Variants in ADAM17 observed in about 807,000 individuals in gnomAD.
ADAM17 encodes the protein ADAM metallopeptidase domain 17.
In ADAM17, 39 loss-of-function variants were observed where a neutral mutation model predicts 96.7. The observed-to-expected ratio is 0.40, with a 90% CI of 0.31 to 0.53. The LOEUF is 0.53. Among genes scored for constraint, ADAM17 ranks in the 20% least tolerant of loss-of-function variants. The pLI is 0.44. For synonymous variants in ADAM17, 344 were observed against 359.2 expected, an observed-to-expected ratio of 0.96 and a Z score of 0.48; for missense variants, 777 against 1,013.2, an observed-to-expected ratio of 0.77 and a Z score of 3.17.
intron 15 of ADAM17, among the ~76,000 whole-genome samples, chr2:9,494,132 G>GAAC (rs1662374472): frequency 6.6e-6 from 1 of 152,272 alleles, no homozygotes; most frequent in East Asian, 1.9e-4. Flanking sequence ...AGTGGACAGT[G>GAAC]AACAACACAG....
Position 9,555,684 on chromosome 2 carries a change from G to A in ADAM17, c.-79C>T, listed in dbSNP as rs1006712808. 9 of 1,232,124 alleles carry A rather than the reference G, an allele frequency of 7.3e-6. No homozygotes were observed. In the Admixed American group the frequency reaches 1.0e-4, roughly 14 times the overall value. 76.3% of individuals were successfully genotyped at this position (1,232,124 alleles called of 1,614,324 possible). A position where few individuals can be genotyped will look rare whatever the true frequency, so the allele number is the denominator to read the frequency against. ...GTTTCGGAAAACTGCTCACATCGGG[G>A]GAGGACGGGATCCGCCCGGCCTAGC... On this transcript the variant is annotated 5_prime_UTR_variant, in exon 1 of 19. Coordinates refer to ENST00000310823, the MANE Select transcript of ADAM17 (RefSeq NM_003183.6).
chr2:9,510,663 CAAAAAA>C (rs57462514), intron 10 of ADAM17, among the ~76,000 whole-genome samples: 1 of 84,822 alleles, frequency 1.2e-5, no homozygotes, highest in Non-Finnish European at 2.6e-5. Context: ...GACTTCGTCT[CAAAAAA>C]AAAAAAAAAA....
intron 2 of ADAM17, among the ~76,000 whole-genome samples, chr2:9,537,258 C>CAAATTG (rs1478141629): frequency 6.6e-6 from 1 of 152,118 alleles, no homozygotes; most frequent in Non-Finnish European, 1.5e-5. Context: ...CACACAAGTA[C>CAAATTG]AAATTGAGGC....
chr2:9,502,879 C>CAAAAAAA (rs758081961), intron 12 of ADAM17, among the ~76,000 whole-genome samples: 9 of 43,586 alleles, frequency 2.1e-4, no homozygotes, highest in African/African-American at 2.8e-4. Context: ...AATTCTGTCT[C>CAAAAAAA]AAAAAAAAAA....
chr2:9,491,961 C>A (rs1662186058), intron 17 of ADAM17, among the ~76,000 whole-genome samples: 1 of 152,222 alleles, frequency 6.6e-6, no homozygotes, highest in Non-Finnish European at 1.5e-5. Context: ...AGACATCTGT[C>A]AAAGCTTCAA....
At chr2:9,533,873 G>T (rs1664849472) in intron 4 of ADAM17, among the ~76,000 whole-genome samples, 1 of 152,194 alleles carries the variant, frequency 6.6e-6, no homozygotes, top group Non-Finnish European at 1.5e-5. Flanking sequence ...AGGAGAGTAA[G>T]AAAAAACTTT....
intron 1 of ADAM17, among the ~76,000 whole-genome samples, chr2:9,549,404 A>C (rs913898968): frequency 4.6e-5 from 7 of 152,282 alleles, no homozygotes; most frequent in African/African-American, 1.7e-4. Context: ...TTATGTATAT[A>C]ATTTTGTGTG....
intron 10 of ADAM17, 70 bp downstream of exon 10, chr2:9,517,831 C>A: frequency 1.9e-6 from 2 of 1,037,222 alleles, no homozygotes; most frequent in Non-Finnish European, 2.6e-6. Context: ...AAAATACCTA[C>A]ATAAATATAT....
At chr2:9,536,450 A>G (rs1301093825) in intron 3 of ADAM17, among the ~76,000 whole-genome samples, 1 of 152,216 alleles carries the variant, frequency 6.6e-6, no homozygotes, top group Non-Finnish European at 1.5e-5. Flanking sequence ...TTAAATTCCT[A>G]TCACTTAAGA....
intron 4 of ADAM17, among the ~76,000 whole-genome samples, chr2:9,532,615 G>C (rs999181850): frequency 6.6e-6 from 1 of 151,190 alleles, no homozygotes; most frequent in Non-Finnish European, 1.5e-5. Context: ...GAGACCACAG[G>C]CATGTGCCAC....
At chr2:9,521,840 T>TGTTCCCTGCCTGCCTGCCTGCCTGCCTGC (rs1553363910) in intron 7 of ADAM17, 2 of 143,306 alleles carry the variant, frequency 1.4e-5, no homozygotes, top group Non-Finnish European at 3.1e-5. Context: ...TGTGAGTCTC[T>TGTTCCCTGCCTGCCTGCCTGCCTGCCTGC]CTGCCTGCCT....
intron 9 of ADAM17, 49 bp from the exon 10 acceptor site, chr2:9,518,038 A>G (rs1003620843): frequency 6.3e-7 from 1 of 1,576,816 alleles, no homozygotes; most frequent in Non-Finnish European, 8.6e-7. Flanking sequence ...ATACAGAATT[A>G]TAATATAATC....
chr2:9,521,352 C>A, intron 7 of ADAM17, 36 bp from the exon 8 acceptor site: 1 of 1,396,220 alleles, frequency 7.2e-7, no homozygotes, highest in South Asian at 1.2e-5. Flanking sequence ...AGAACACTTC[C>A]AAAATAAGTC....
At chr2:9,508,589 T>C (rs182764554) in intron 11 of ADAM17, among the ~76,000 whole-genome samples, 11 of 152,214 alleles carry the variant, frequency 7.2e-5, no homozygotes, top group African/African-American at 2.7e-4. Flanking sequence ...TTAATGCCCA[T>C]TCCCGTCTCC....
At chr2:9,547,040 C>G (rs1665424572) in intron 1 of ADAM17, among the ~76,000 whole-genome samples, 1 of 152,234 alleles carries the variant, frequency 6.6e-6, no homozygotes, top group Admixed American at 6.5e-5. Flanking sequence ...CAATGGCTGC[C>G]TACTTCTCTC....
At chr2:9,521,079 G>A (rs1349012469) in intron 8 of ADAM17, 124 bp downstream of exon 8, 3 of 678,638 alleles carry the variant, frequency 4.4e-6, no homozygotes, top group Non-Finnish European at 7.8e-6. Context: ...TGCTGGATCA[G>A]CTGGAGGAGA....
At chr2:9,526,955 G>A (rs547221540) in intron 5 of ADAM17, among the ~76,000 whole-genome samples, 1 of 152,098 alleles carries the variant, frequency 6.6e-6, no homozygotes, top group East Asian at 1.9e-4. Context: ...AGTTTAATAG[G>A]ACAACTTTCT....
intron 2 of ADAM17, among the ~76,000 whole-genome samples, chr2:9,538,210 A>T (rs1665068268): frequency 6.6e-6 from 1 of 152,218 alleles, no homozygotes; most frequent in African/African-American, 2.4e-5. Flanking sequence ...ATGAACACCA[A>T]AGACAAAGAA....
intron 18 of ADAM17, 111 bp from the exon 19 acceptor site, chr2:9,490,629 C>A: frequency 8.3e-7 from 1 of 1,202,342 alleles, no homozygotes. Context: ...CACTGTGATG[C>A]TAAGAAAAAA....
Sources: gnomAD v4.1 joint callset for allele counts (sites outside exome capture counted in the v4.1 genomes callset) on GRCh38, gnomAD v4.1.1 for gene constraint, MANE v1.5 for transcripts, NCBI Gene and HGNC (gene_info 2026-07-23, HGNC 2026-07-21) for gene names.